Variants in DYM observed in about 807,000 individuals in gnomAD.
DYM encodes dymeclin, also known as dyggve-Melchior-Clausen syndrome protein.
Under a neutral mutation model 93.1 loss-of-function variants are expected in DYM, and 78 were observed. The ratio of observed to expected loss-of-function variants is 0.84; its 90% CI spans 0.70 to 1.01. The LOEUF (loss-of-function observed/expected upper bound fraction) is 1.01. DYM is among the 50% of genes least tolerant of loss of function. The probability of loss-of-function intolerance (pLI) is 0.00; values close to 1 mark genes in which losing one functional copy is unlikely to be tolerated. For missense variants in DYM, 789 were observed against 845.0 expected, an observed-to-expected ratio of 0.93 and a Z score of 0.82; for synonymous variants, 321 against 319.7, an observed-to-expected ratio of 1.00 and a Z score of -0.04.
intron 5 of DYM, chr18:49,368,845 G>A (rs183866756): frequency 3.7e-4 from 56 of 152,340 alleles, no homozygotes; most frequent in African/African-American, 1.3e-3. Flanking sequence ...GAAACTGCTT[G>A]TGTTAGACAG....
At chr18:49,178,075 A>G (rs1600377421) in intron 14 of DYM, among the ~76,000 whole-genome samples, 1 of 152,158 alleles carries the variant, frequency 6.6e-6, no homozygotes, top group East Asian at 1.9e-4. Flanking sequence ...AGAGAGAACA[A>G]TTTCCATGAA....
At chr18:49,397,254 C>T (rs1227605101) in intron 2 of DYM, among the ~76,000 whole-genome samples, 1 of 152,140 alleles carries the variant, frequency 6.6e-6, no homozygotes, top group Non-Finnish European at 1.5e-5. Flanking sequence ...TAGTAATTTA[C>T]CCATAGATGA....
At chr18:49,085,606 CTTTTT>C (rs11437833) in intron 17 of DYM, among the ~76,000 whole-genome samples, 8 of 102,170 alleles carry the variant, frequency 7.8e-5, no homozygotes, top group South Asian at 3.5e-4. Context: ...ACAACTGGTC[CTTTTT>C]TTTTTTTTTT....
intron 10 of DYM, among the ~76,000 whole-genome samples, chr18:49,278,686 G>A (rs1248521174): frequency 6.6e-6 from 1 of 152,108 alleles, no homozygotes; most frequent in Non-Finnish European, 1.5e-5. Context: ...GAGAGCTGCT[G>A]GTGGCCACCT....
At chr18:49,145,165 C>A (rs1215480740) in intron 15 of DYM, among the ~76,000 whole-genome samples, 2 of 96,268 alleles carry the variant, frequency 2.1e-5, no homozygotes, top group Non-Finnish European at 4.7e-5. Context: ...AAATATAGGT[C>A]CCCAATGGGA....
At chr18:49,289,382 T>G (rs918168623) in intron 8 of DYM, among the ~76,000 whole-genome samples, 12 of 137,790 alleles carry the variant, frequency 8.7e-5, no homozygotes, top group Non-Finnish European at 1.5e-4. Context: ...CAAAAGGATT[T>G]TTTTAAAAAT....
At position 49,236,128 on chromosome 18, in the gene DYM, C is replaced by T. The variant is rs118011372; in HGVS notation, c.1460+20882G>A. 3.6e-3 allele frequency among the ~76,000 whole-genome samples: 548 copies of T among 152,164 alleles called. 3 individuals carry two copies. The highest frequency in any genetic ancestry group is 5.8e-3 in the Non-Finnish European group (392 of 68,012). ...TTAAAAAACATATTTCAAAGGACTT[C>T]CAATTCTCCCTCTTATATGAGAATG... On this transcript the variant is annotated intron_variant, in intron 13 of 17. Transcript: ENST00000675505.
intron 1 of DYM, among the ~76,000 whole-genome samples, chr18:49,444,298 T>C (rs139705525): frequency 9.8e-5 from 15 of 152,286 alleles, no homozygotes; most frequent in African/African-American, 3.6e-4. Flanking sequence ...TACAATGGCT[T>C]AACAATGGCA....
chr18:49,366,438 T>C (rs2066522496), intron 5 of DYM, among the ~76,000 whole-genome samples: 1 of 152,232 alleles, frequency 6.6e-6, no homozygotes, highest in African/African-American at 2.4e-5. Context: ...TCAGTGTGTT[T>C]ACTGTATTGT....
chr18:49,107,466 G>C (rs537790104), intron 16 of DYM, among the ~76,000 whole-genome samples: 1 of 152,162 alleles, frequency 6.6e-6, no homozygotes, highest in Admixed American at 6.5e-5. Context: ...CGTTCCTTTG[G>C]AGGAGGAGAG....
intron 16 of DYM, among the ~76,000 whole-genome samples, chr18:49,111,890 T>C (rs1371595371): frequency 6.6e-6 from 1 of 152,178 alleles, no homozygotes; most frequent in Non-Finnish European, 1.5e-5. Flanking sequence ...CTTTCTTAGC[T>C]TTCTCTTCCC....
In DYM at chr18:49,080,793, TGCCGGGCGGAG is replaced by T. The variant is rs1164489306; in HGVS notation, c.2025+16598_2025+16608del. Among the ~76,000 whole-genome samples the T allele has an allele frequency of 2.2e-4, 29 of 131,922 alleles. No homozygotes were observed. In the East Asian group the frequency reaches 5.9e-3, roughly 27 times the overall value. 86.5% of individuals were successfully genotyped at this position (131,922 alleles called of 152,430 possible). ...CTCCTCACTTCTCAGACGGGGCGGA[TGCCGGGCGGAG>T]GGTCTCCTCACTTCTCAGACGGGGC... On this transcript the variant is annotated intron_variant, in intron 17 of 17. Transcript: ENST00000675505.
intron 14 of DYM, among the ~76,000 whole-genome samples, chr18:49,164,820 A>C (rs1430142249): frequency 1.3e-5 from 2 of 152,362 alleles, no homozygotes; most frequent in East Asian, 3.9e-4. Flanking sequence ...TTGAATGCTT[A>C]GAAAGGCCAT....
At chr18:49,201,994 ACT>A (rs1239687912) in intron 14 of DYM, among the ~76,000 whole-genome samples, 1 of 151,998 alleles carries the variant, frequency 6.6e-6, no homozygotes, top group African/African-American at 2.4e-5. Flanking sequence ...CAGGACAGGA[ACT>A]CTCTATTGTA....
In DYM at chr18:49,281,916, C is replaced by T. The variant is rs537333084; in HGVS notation, c.1125+81G>A. The T allele has an allele frequency of 5.3e-4, 731 of 1,386,698 alleles. 11 individuals carry two copies. The South Asian group carries it at 9.1e-3, about 17-fold the overall frequency. The allele number at this position is 1,386,698 out of a possible 1,614,324, so 85.9% of individuals were successfully genotyped here. A position where few individuals can be genotyped will look rare whatever the true frequency, so the allele number is the denominator to read the frequency against. On this transcript the variant is annotated intron_variant, in intron 10 of 17. Transcript: ENST00000675505. ...CATGTATACATATGTAACTAACCTG[C>T]ACGCTGTGCCATGTACCCTAAAACT...
At chr18:49,200,561 A>C (rs1460734783) in intron 14 of DYM, among the ~76,000 whole-genome samples, 7 of 151,622 alleles carry the variant, frequency 4.6e-5, no homozygotes, top group Non-Finnish European at 1.0e-4. Flanking sequence ...TATTCCATTG[A>C]GTTGATAGGA....
At chr18:49,296,950 T>C (rs2060604350) in intron 8 of DYM, among the ~76,000 whole-genome samples, 1 of 152,204 alleles carries the variant, frequency 6.6e-6, no homozygotes, top group Non-Finnish European at 1.5e-5. Context: ...GAGCTGTCTC[T>C]TTTTCACATT....
At position 49,375,080 on chromosome 18, in the gene DYM, A is replaced by G. The variant is rs77428960; in HGVS notation, c.421+3487T>C. Reference sequence around the variant, plus strand: ...AATGGCTGATCTACAGTGAAACTGGAGAGTTGTTTCCCCTGAGAAGACAAG... The same window carrying G: ...AATGGCTGATCTACAGTGAAACTGGGGAGTTGTTTCCCCTGAGAAGACAAG... On this transcript the variant is annotated intron_variant, in intron 5 of 17. Transcript: ENST00000675505. Among the ~76,000 whole-genome samples, 590 of 152,158 alleles carry G rather than the reference A, an allele frequency of 3.9e-3. 2 individuals are homozygous for G. Among genetic ancestry groups the G allele is most frequent in the African/African-American group, 0.014 (573 of 41,530 alleles).
intron 14 of DYM, among the ~76,000 whole-genome samples, chr18:49,205,112 C>A (rs571155272): frequency 1.8e-3 from 271 of 152,236 alleles, no homozygotes; most frequent in African/African-American, 6.1e-3. Context: ...AGGCATGTAC[C>A]ACTACACCCA....
Sources: allele counts gnomAD v4.1 joint callset (sites outside exome capture counted in the v4.1 genomes callset), GRCh38; gene constraint gnomAD v4.1.1; transcripts MANE v1.5; gene names NCBI Gene and HGNC (gene_info 2026-07-23, HGNC 2026-07-21).